Variants in DEPDC5 observed in about 807,000 individuals in gnomAD.
DEPDC5 encodes DEP domain containing 5, GATOR1 subcomplex subunit, also known as GATOR1 complex protein DEPDC5.
A neutral mutation model predicts 217.3 loss-of-function variants in DEPDC5; 73 were observed. That is an observed-to-expected ratio of 0.34 (90% confidence interval 0.28 to 0.41). DEPDC5 has a LOEUF of 0.41. Ranked by LOEUF, DEPDC5 falls within the 10% of genes least tolerant of loss-of-function variation. DEPDC5 has a pLI of 1.00. For synonymous variants in DEPDC5, 733 were observed against 756.7 expected, an observed-to-expected ratio of 0.97 and a Z score of 0.51; for missense variants, 1,675 against 2,070.1, an observed-to-expected ratio of 0.81 and a Z score of 3.70.
At chr22:31,762,351 CT>C (rs1162515957) in intron 4 of DEPDC5, among the ~76,000 whole-genome samples, 1 of 152,208 alleles carries the variant, frequency 6.6e-6, no homozygotes, top group Non-Finnish European at 1.5e-5. Flanking sequence ...CAAATCCTTT[CT>C]TTTTCCCTCT....
At chr22:31,894,935 G>T (rs535278200) in intron 39 of DEPDC5, 1 of 151,046 alleles carries the variant, frequency 6.6e-6, no homozygotes, top group African/African-American at 2.4e-5. Flanking sequence ...TAAGGTTGGG[G>T]GTTCGAGACC....
chr22:31,779,027 G>T (rs533498755), intron 8 of DEPDC5, among the ~76,000 whole-genome samples: 1 of 152,234 alleles, frequency 6.6e-6, no homozygotes, highest in Admixed American at 6.5e-5. Flanking sequence ...TGTTGTGGGG[G>T]TTGTCTTGTG....
chr22:31,782,103 T>C (rs1304487003), intron 8 of DEPDC5, among the ~76,000 whole-genome samples: 6 of 151,898 alleles, frequency 4.0e-5, no homozygotes, highest in Non-Finnish European at 8.8e-5. Context: ...ATTTAGACAA[T>C]ATAGCCTATA....
At chr22:31,810,801 G>GT (rs1378607538) in intron 20 of DEPDC5, 160 bp downstream of exon 20, 1 of 1,197,700 alleles carries the variant, frequency 8.3e-7, no homozygotes. Flanking sequence ...TTGAGATGGA[G>GT]TTTCGCTCTT....
rs2092507066 is a variant in DEPDC5 at position 31,861,398 on chromosome 22, A to G, written c.3295A>G (p.Ser1099Gly). 9.7e-6 allele frequency: 15 copies of G among 1,551,428 alleles called. No homozygotes were observed. The highest frequency in any genetic ancestry group is 1.3e-5 in the Non-Finnish European group (15 of 1,146,948). The change falls in exon 33 of 43, where the codon AGC (serine) becomes GGC (glycine). Residue 1099 changes from serine to glycine, a missense_variant. Physicochemically the swap from Ser to Gly is moderately conservative, Grantham distance 56. Coordinates refer to ENST00000651528, the MANE Select transcript of DEPDC5 (RefSeq NM_001242896.3). ...DGAFFMEFVRSPRTASSAFYP... is the reference protein window; with the variant it reads ...DGAFFMEFVRGPRTASSAFYP... The stretch of plus-strand genomic sequence containing the variant: ...GGCCTTCTTTATGGAGTTTGTCCGC[A>G]GCCCACGCACAGCATCGTCCGCCTT...
chr22:31,804,969 G>C, intron 17 of DEPDC5, 54 bp downstream of exon 17: 1 of 1,520,380 alleles, frequency 6.6e-7, no homozygotes, highest in South Asian at 1.2e-5. Flanking sequence ...CAGCTTCCTT[G>C]CCATTTTTCT....
In DEPDC5 at chr22:31,906,521, G is replaced by A; in HGVS notation, c.*24G>A. The A allele has an allele frequency of 6.4e-7, 1 of 1,555,142 alleles. No individual in the cohort carries two copies. Among genetic ancestry groups the A allele is most frequent in the African/African-American group, 1.3e-5 (1 of 74,658 alleles). On this transcript the variant is annotated 3_prime_UTR_variant, in exon 43 of 43. Transcript: ENST00000651528. The surrounding 1 kb of genome is among the most constrained non-coding windows in gnomAD (Gnocchi z 5.1). ...GAGGCCAGGCTGCACCTGTGCTGGG[G>A]GAAGGTGGGTGAGCCACTGCCCTCA...
intron 19 of DEPDC5, 61 bp from the exon 20 acceptor site, chr22:31,810,460 A>G (rs1213772842): frequency 2.5e-6 from 4 of 1,604,180 alleles, no homozygotes; most frequent in Admixed American, 1.7e-5. Context: ...TGTGTATTTC[A>G]GCTCTCAGGC....
chr22:31,756,957 C>T (rs971723521), intron 2 of DEPDC5, among the ~76,000 whole-genome samples: 2 of 151,118 alleles, frequency 1.3e-5, no homozygotes, highest in Non-Finnish European at 2.9e-5. Flanking sequence ...AAAGAAACAA[C>T]CAACAGATAT....
At chr22:31,772,173 G>T (rs1726748567) in intron 7 of DEPDC5, among the ~76,000 whole-genome samples, 1 of 152,144 alleles carries the variant, frequency 6.6e-6, no homozygotes, top group African/African-American at 2.4e-5. Context: ...ATGCTGCAGT[G>T]AGCTATTATT....
intron 33 of DEPDC5, among the ~76,000 whole-genome samples, chr22:31,866,420 T>A (rs2092691092): frequency 6.6e-6 from 1 of 152,180 alleles, no homozygotes; most frequent in Non-Finnish European, 1.5e-5. Context: ...ACAGTCTCGC[T>A]CTGTCGCCAG....
chr22:31,902,083 G>C (rs2093657877), intron 41 of DEPDC5, among the ~76,000 whole-genome samples: 1 of 151,984 alleles, frequency 6.6e-6, no homozygotes, highest in African/African-American at 2.4e-5. Flanking sequence ...CAAGACCCTA[G>C]GCCAAGCTAT....
chr22:31,810,469 G>A lies in DEPDC5; in HGVS notation c.1325-52G>A. The A allele has an allele frequency of 3.7e-6, 6 of 1,609,298 alleles. No individual in the cohort carries two copies. In the South Asian group the frequency reaches 5.5e-5, roughly 15 times the overall value. On this transcript the variant is annotated intron_variant, in intron 19 of 42. Coordinates refer to ENST00000651528, the MANE Select transcript of DEPDC5 (RefSeq NM_001242896.3). ...ATTATTTGTGTATTTCAGCTCTCAG[G>A]CATGTGTTTGAAATGTATTTGATGA...
Position 31,758,489 on chromosome 22 carries a change from A to G in DEPDC5, c.59-57A>G, listed in dbSNP as rs117997150. The stretch of plus-strand genomic sequence containing the variant: ...GGGGTTGTGAGGAACCAGTATGAGA[A>G]CATACAGTGTACCTAATGAGTGTTT... On this transcript the variant is annotated intron_variant, in intron 2 of 42. Transcript: ENST00000651528. 2.5e-3 allele frequency: 3,754 copies of G among 1,489,862 alleles called. 22 individuals carry two copies. The highest frequency in any genetic ancestry group is 0.011 in the South Asian group (989 of 88,384). The allele number at this position is 1,489,862 out of a possible 1,614,324, so 92.3% of individuals were successfully genotyped here.
intron 18 of DEPDC5, among the ~76,000 whole-genome samples, chr22:31,806,883 ATACC>A (rs1245966174): frequency 6.6e-6 from 1 of 152,156 alleles, no homozygotes; most frequent in Non-Finnish European, 1.5e-5. Context: ...GTATTGGCAC[ATACC>A]TGTAGTCCCA....
chr22:31,827,030 A>G (rs2090206874), intron 24 of DEPDC5, among the ~76,000 whole-genome samples: 1 of 151,770 alleles, frequency 6.6e-6, no homozygotes, highest in Admixed American at 6.6e-5. Flanking sequence ...AATAGTTGGG[A>G]CTACAGGCAC....
At chr22:31,873,949 C>T (rs547070093) in intron 35 of DEPDC5, 6 of 284,880 alleles carry the variant, frequency 2.1e-5, no homozygotes, top group Admixed American at 1.1e-4. Context: ...CCCGCCACCA[C>T]GCCCAGCTGA....
chr22:31,883,421 G>A (rs1051094878), intron 38 of DEPDC5, among the ~76,000 whole-genome samples: 1 of 152,178 alleles, frequency 6.6e-6, no homozygotes, highest in African/African-American at 2.4e-5. Flanking sequence ...GCTCTGCTCT[G>A]CTCTGGCCCC....
chr22:31,815,104 G>A lies in DEPDC5; in HGVS notation c.1558G>A (p.Ala520Thr), dbSNP rs2088918630. Reference protein sequence around the residue: ...TLPTEEVRSQASDDSSLGKSA... With the variant: ...TLPTEEVRSQTSDDSSLGKSA... ...GCCCACTGAGGAAGTGAGGAGCCAG[G>A]CTTCTGACGACAGCTCCCTAGGCAA... The change falls in exon 21 of 43, where the codon GCT (alanine) becomes ACT (threonine). Residue 520 changes from alanine (A) to threonine (T), a missense_variant. Coordinates refer to ENST00000651528, the MANE Select transcript of DEPDC5 (RefSeq NM_001242896.3). The A allele has an allele frequency of 1.2e-6, 2 of 1,614,198 alleles. No homozygotes were observed. Among genetic ancestry groups the A allele is most frequent in the Non-Finnish European group, 1.7e-6 (2 of 1,180,050 alleles).
Sources: gnomAD v4.1 joint callset for allele counts (sites outside exome capture counted in the v4.1 genomes callset) on GRCh38, gnomAD v4.1.1 for gene constraint, Gnocchi (gnomAD v3.1) non-coding constraint, MANE v1.5 for transcripts, NCBI Gene and HGNC (gene_info 2026-07-23, HGNC 2026-07-21) for gene names.